The following TLL2 variants were observed in gnomAD, a reference collection of about 807,000 sequenced individuals.
The protein encoded by TLL2 is tolloid like 2.
In TLL2, 106 loss-of-function variants were observed where a neutral mutation model predicts 123.0. The observed-to-expected ratio is 0.86, with a 90% CI of 0.74 to 1.01. The LOEUF (loss-of-function observed/expected upper bound fraction) is 1.01. Among genes scored for constraint, TLL2 ranks in the 50% least tolerant of loss-of-function variants. The probability of loss-of-function intolerance (pLI) is 0.00; values close to 1 mark genes in which losing one functional copy is unlikely to be tolerated. For synonymous variants in TLL2, 494 were observed against 516.8 expected, an observed-to-expected ratio of 0.96 and a Z score of 0.60; for missense variants, 1,332 against 1,336.7, an observed-to-expected ratio of 1.00 and a Z score of 0.06.
intron 7 of TLL2, among the ~76,000 whole-genome samples, chr10:96,417,871 C>A (rs1846579226): frequency 6.6e-6 from 1 of 152,184 alleles, no homozygotes; most frequent in Non-Finnish European, 1.5e-5. Flanking sequence ...GAAGAACAAG[C>A]CTGACTAACT....
Position 96,396,004 on chromosome 10 carries a change from G to A in TLL2, c.1401C>T (p.Asp467=). Residue 467 remains aspartate (D), a synonymous_variant, in exon 12 of 21, where the codon GAC becomes GAT. Coordinates refer to ENST00000357947, the MANE Select transcript of TLL2 (RefSeq NM_012465.4). ...GAATCTGACCGGCATCTTTGTTCAT[G>A]TCTCCCCCGCAGGTAGCTTTAGAAA... is the stretch of plus-strand genomic sequence containing the variant. ...FAAYEATCGG[D]MNKDAGQIQS... is the part of the protein sequence containing the mutation. 1 of 1,614,132 alleles carries A rather than the reference G, an allele frequency of 6.2e-7. No individual in the cohort carries two copies. The highest frequency in any genetic ancestry group is 8.5e-7 in the Non-Finnish European group (1 of 1,180,030).
In TLL2 at chr10:96,511,776, C is replaced by G. The variant is rs1301769479; in HGVS notation, c.175+1735G>C. Among the ~76,000 whole-genome samples, 10 of 152,378 alleles carry G rather than the reference C, an allele frequency of 6.6e-5. No homozygotes were observed. The East Asian group carries it at 1.7e-3, about 26-fold the overall frequency. On this transcript the variant is annotated intron_variant, in intron 1 of 20. Coordinates refer to ENST00000357947, the MANE Select transcript of TLL2 (RefSeq NM_012465.4). Reference sequence around the variant, plus strand: ...TGAGCAAATCAATCACTTCCCCACTCCGGGCCTCAGCGGCCCACACTGCCT... The same window carrying G: ...TGAGCAAATCAATCACTTCCCCACTGCGGGCCTCAGCGGCCCACACTGCCT...
chr10:96,418,813 T>G (rs1846591940), intron 7 of TLL2, among the ~76,000 whole-genome samples: 1 of 148,092 alleles, frequency 6.8e-6, no homozygotes, highest in Non-Finnish European at 1.5e-5. Context: ...ATAAATTATA[T>G]GAATATATAA....
intron 2 of TLL2, among the ~76,000 whole-genome samples, chr10:96,446,644 T>C (rs1241828362): frequency 6.6e-6 from 1 of 152,192 alleles, no homozygotes; most frequent in Non-Finnish European, 1.5e-5. Flanking sequence ...TGCACTCTCT[T>C]AGTATTCGGG....
rs147299672 is a variant in TLL2, at chr10:96,373,874, T to C, written c.2449-65A>G. 344 of 1,490,090 alleles carry C rather than the reference T, an allele frequency of 2.3e-4. 4 individuals carry two copies. In the South Asian group the frequency reaches 3.2e-3, roughly 14 times the overall value. The allele number at this position is 1,490,090 out of a possible 1,614,324, so 92.3% of individuals were successfully genotyped here. A position where few individuals can be genotyped will look rare whatever the true frequency, so the allele number is the denominator to read the frequency against. ...GTTCAGCTGGGGTGGGGGCCTCCTT[T>C]CCAGTTCTGGGACAGGAAGGGGCGA... On this transcript the variant is annotated intron_variant, in intron 18 of 20. Transcript: ENST00000357947.
intron 1 of TLL2, among the ~76,000 whole-genome samples, chr10:96,500,117 A>AG (rs1847519522): frequency 1.4e-5 from 2 of 138,930 alleles, no homozygotes; most frequent in African/African-American, 2.7e-5. Flanking sequence ...AAAAAAAAAA[A>AG]AAAGAAAAAG....
intron 1 of TLL2, among the ~76,000 whole-genome samples, chr10:96,498,931 A>T (rs1203152980): frequency 6.6e-6 from 1 of 152,200 alleles, no homozygotes; most frequent in Non-Finnish European, 1.5e-5. Context: ...TTTTGATGTG[A>T]GAAAAAAATA....
chr10:96,421,376 A>G (rs1268229296), intron 6 of TLL2, among the ~76,000 whole-genome samples: 1 of 151,916 alleles, frequency 6.6e-6, no homozygotes, highest in Admixed American at 6.6e-5. Flanking sequence ...AAAATAAAAA[A>G]CTCTGGGCCA....
intron 1 of TLL2, among the ~76,000 whole-genome samples, chr10:96,511,382 G>T (rs1847630376): frequency 6.6e-6 from 1 of 152,188 alleles, no homozygotes; most frequent in Non-Finnish European, 1.5e-5. Context: ...CCCCCAGGTT[G>T]TCCTTATCAT....
At chr10:96,499,437 C>T (rs1268572260) in intron 1 of TLL2, among the ~76,000 whole-genome samples, 1 of 152,092 alleles carries the variant, frequency 6.6e-6, no homozygotes, top group Admixed American at 6.6e-5. Context: ...GGTAGTCAAC[C>T]CCCTTTTCCT....
intron 2 of TLL2, among the ~76,000 whole-genome samples, chr10:96,457,966 T>C (rs1847033595): frequency 6.6e-6 from 1 of 152,194 alleles, no homozygotes; most frequent in Non-Finnish European, 1.5e-5. Flanking sequence ...CAACACCTTC[T>C]AAAATGCAAG....
intron 1 of TLL2, among the ~76,000 whole-genome samples, chr10:96,486,007 G>A (rs572328824): frequency 3.9e-4 from 59 of 152,230 alleles, no homozygotes; most frequent in Middle Eastern, 6.8e-3. Flanking sequence ...CAGATGAACG[G>A]GCACTGGGAA....
intron 2 of TLL2, among the ~76,000 whole-genome samples, chr10:96,468,814 C>T (rs1240585790): frequency 4.6e-5 from 7 of 152,310 alleles, no homozygotes; most frequent in South Asian, 4.1e-4. Context: ...CTGACAAACA[C>T]GCTCGTAATG....
rs879740494 is a variant in TLL2, at chr10:96,511,506, A to C, written c.175+2005T>G. 3.0e-4 allele frequency among the ~76,000 whole-genome samples: 45 copies of C among 152,346 alleles called. 1 individual carries two copies. The highest frequency in any genetic ancestry group is 5.0e-4 in the Non-Finnish European group (34 of 68,020). ...GCAGCTGGCTGAAGCCACACTGGCC[A>C]TATCCTCTGCCTTCCAGCCCTGCCT... On this transcript the variant is annotated intron_variant, in intron 1 of 20. Transcript: ENST00000357947.
intron 1 of TLL2, among the ~76,000 whole-genome samples, chr10:96,509,248 C>A (rs952859559): frequency 6.6e-6 from 1 of 152,198 alleles, no homozygotes; most frequent in African/African-American, 2.4e-5. Flanking sequence ...CAAAGACAAG[C>A]CTCCCCTGCT....
At chr10:96,496,050 G>T (rs983675392) in intron 1 of TLL2, among the ~76,000 whole-genome samples, 10 of 152,174 alleles carry the variant, frequency 6.6e-5, no homozygotes, top group Admixed American at 3.3e-4. Flanking sequence ...GTCCAAGAAG[G>T]TCAAATGACT....
chr10:96,380,553 C>A (rs546011502), intron 16 of TLL2, among the ~76,000 whole-genome samples: 2 of 151,770 alleles, frequency 1.3e-5, no homozygotes, highest in African/African-American at 2.4e-5. Flanking sequence ...ATTAGCCGGG[C>A]GTGGTGGCGG....
At chr10:96,487,069 C>G (rs992992933) in intron 1 of TLL2, among the ~76,000 whole-genome samples, 4 of 152,216 alleles carry the variant, frequency 2.6e-5, no homozygotes, top group Admixed American at 6.5e-5. Flanking sequence ...TACTTTTAAG[C>G]CAGAAAGACC....
At chr10:96,390,078 G>A (rs1323658411) in intron 13 of TLL2, among the ~76,000 whole-genome samples, 1 of 152,276 alleles carries the variant, frequency 6.6e-6, no homozygotes, top group Non-Finnish European at 1.5e-5. Flanking sequence ...CTGGGAGAGC[G>A]TGGCAGTAGA....
Sources: gnomAD v4.1 joint callset for allele counts (sites outside exome capture counted in the v4.1 genomes callset) on GRCh38, gnomAD v4.1.1 for gene constraint, MANE v1.5 for transcripts, NCBI Gene and HGNC (gene_info 2026-07-23, HGNC 2026-07-21) for gene names.